The following OR11L1 variants were observed in gnomAD, a reference collection of about 807,000 sequenced individuals.
OR11L1 encodes olfactory receptor family 11 subfamily L member 1, also known as olfactory receptor 11L1.
For missense variants in OR11L1, 397 were observed against 392.7 expected (o/e 1.01, Z -0.09); for synonymous variants, 164 against 159.1 (o/e 1.03, Z -0.23).
rs767690956 is a variant in OR11L1, at chr1:247,841,716, T to G, written c.181A>C (p.Met61Leu). 1 of 1,613,942 alleles carries G rather than the reference T, an allele frequency of 6.2e-7. No individual in the cohort carries two copies. The highest frequency in any genetic ancestry group is 2.2e-5 in the East Asian group (1 of 44,868). The stretch of plus-strand genomic sequence containing the variant: ...AGAAAGGAGAGATGCTGGAGGAACA[T>G]GTACATAGGGGAGTGCAGTCGCAGG... The part of the protein sequence containing the change: ...QGLRLHSPMY[M>L]FLQHLSFLEV... The change falls in exon 1 of 1, where the codon ATG becomes CTG. Residue 61 changes from methionine (M) to leucine (L), a missense_variant. Met to Leu is a conservative substitution (Grantham distance 15). Coordinates refer to ENST00000355784, the MANE Select transcript of OR11L1 (RefSeq NM_001001959.1).
chr1:247,841,275 A>G lies in OR11L1; in HGVS notation c.622T>C (p.Cys208Arg). ...TIFILSIAVL[C>R]ICFFLTLGPY... ...CCCAGTGTCAGAAAAAAACAAATGC[A>G]CAGCACGGCAATTGACAGGATGAAG... Residue 208 changes from cysteine to arginine, a missense_variant, in exon 1 of 1, where the codon TGC becomes CGC. Cys to Arg is a radical substitution (Grantham distance 180, BLOSUM62 -3). Coordinates refer to ENST00000355784, the MANE Select transcript of OR11L1 (RefSeq NM_001001959.1). 2 of 1,614,234 alleles carry G rather than the reference A, an allele frequency of 1.2e-6. No homozygotes were observed. Among genetic ancestry groups the G allele is most frequent in the Non-Finnish European group, 1.7e-6 (2 of 1,180,028 alleles).
At position 247,841,130 on chromosome 1, in the gene OR11L1, A is replaced by G; in HGVS notation, c.767T>C (p.Ile256Thr). 6.2e-7 allele frequency: 1 copy of G among 1,614,146 alleles called. No homozygotes were observed. Among genetic ancestry groups the G allele is most frequent in the Non-Finnish European group, 8.5e-7 (1 of 1,180,012 alleles). The change falls in exon 1 of 1, where the codon ATC becomes ACC. Residue 256 changes from isoleucine (I) to threonine (T), a missense_variant. Ile to Thr is a moderately conservative substitution (Grantham distance 89). Coordinates refer to ENST00000355784, the MANE Select transcript of OR11L1 (RefSeq NM_001001959.1). Reference protein sequence around the residue: ...AVVTLYYGTMISMYVCPSPHL... With the variant: ...AVVTLYYGTMTSMYVCPSPHL... The stretch of plus-strand genomic sequence containing the variant: ...GGGACTGGGACACACATACATGGAG[A>G]TCATGGTCCCGTAGTAGAGAGTGAC...
Position 247,841,238 on chromosome 1 carries a change from A to G in OR11L1, c.659T>C (p.Phe220Ser). 1 of 1,614,200 alleles carries G rather than the reference A, an allele frequency of 6.2e-7. No individual in the cohort carries two copies. The highest frequency in any genetic ancestry group is 8.5e-7 in the Non-Finnish European group (1 of 1,180,006). The change falls in exon 1 of 1, where the codon TTC (phenylalanine) becomes TCC (serine). Residue 220 changes from phenylalanine to serine, a missense_variant. Physicochemically the swap from Phe to Ser is radical, Grantham distance 155 (BLOSUM62 -2). Coordinates refer to ENST00000355784, the MANE Select transcript of OR11L1 (RefSeq NM_001001959.1). ...GATTCTCAATATGGAGGACACAATG[A>G]AAACATAGGGCCCCAGTGTCAGAAA... ...CFFLTLGPYV[F>S]IVSSILRIPS...
Position 247,840,964 on chromosome 1 carries a change from A to G in OR11L1, c.933T>C (p.Ile311=). 1 of 1,614,056 alleles carries G rather than the reference A, an allele frequency of 6.2e-7. No homozygotes were observed. Among genetic ancestry groups the G allele is most frequent in the East Asian group, 2.2e-5 (1 of 44,888 alleles). Residue 311 remains isoleucine (I), a synonymous_variant, in exon 1 of 1, where the codon ATT becomes ATC. Transcript: ENST00000355784. The stretch of plus-strand genomic sequence containing the variant: ...ACTTCCTTTTACTTGTACTCCATAG[A>G]ATACCACATTTCCTTCTCATGACCT... The part of the protein sequence containing the change: ...VRKVMRRKCG[I]LWSTSKRKFL...
Position 247,841,572 on chromosome 1 carries a change from C to T in OR11L1, c.325G>A (p.Ala109Thr), listed in dbSNP as rs191673910. Residue 109 changes from alanine (A) to threonine (T), a missense_variant, in exon 1 of 1, where the codon GCC becomes ACC. Transcript: ENST00000355784. ...AAGGCCAGGAGAAAGCACTCGGTGG[C>T]GCCGAGGAATACGAAGAAGTAGAGC... ...AQLYFFVFLG[A>T]TECFLLAFMA... The T allele has an allele frequency of 4.8e-5, 78 of 1,613,514 alleles. No homozygotes were observed. Among genetic ancestry groups the T allele is most frequent in the Non-Finnish European group, 5.8e-5 (69 of 1,179,838 alleles).
rs780591658 is a variant in OR11L1, at chr1:247,841,191, T to C, written c.706A>G (p.Lys236Glu). ...LRIPSTSGRR[K>E]TFSTCGSHLA... ...TGGGAGCCACATGTGGAAAAGGTCT[T>C]TCTCCGGCCAGAGGTGGAAGGGATT... The change falls in exon 1 of 1, where the codon AAG (lysine) becomes GAG (glutamate). Residue 236 changes from lysine to glutamate, a missense_variant. Transcript: ENST00000355784. The C allele has an allele frequency of 1.2e-6, 2 of 1,614,138 alleles. No homozygotes were observed. The highest frequency in any genetic ancestry group is 1.7e-6 in the Non-Finnish European group (2 of 1,180,024).
At position 247,841,689 on chromosome 1, in the gene OR11L1, C is replaced by T. The variant is rs1349690218; in HGVS notation, c.208G>A (p.Glu70Lys). 6.2e-7 allele frequency: 1 copy of T among 1,613,980 alleles called. No individual in the cohort carries two copies. Among genetic ancestry groups the T allele is most frequent in the Non-Finnish European group, 8.5e-7 (1 of 1,180,006 alleles). The change falls in exon 1 of 1, where the codon GAG (glutamate) becomes AAG (lysine). Residue 70 changes from glutamate to lysine, a missense_variant. By Grantham distance (56) the Glu-to-Lys change is moderately conservative. Transcript: ENST00000355784. ...YMFLQHLSFL[E>K]VWYTSTTVPL... is the part of the protein sequence containing the mutation. ...ACAGTGGTGGACGTGTACCAGACCTCCAGAAAGGAGAGATGCTGGAGGAAC... is the reference window on the plus strand; with the variant it reads ...ACAGTGGTGGACGTGTACCAGACCTTCAGAAAGGAGAGATGCTGGAGGAAC...
chr1:247,841,839 G>A lies in OR11L1; in HGVS notation c.58C>T (p.Leu20Phe), dbSNP rs1365038990. 2 of 1,613,796 alleles carry A rather than the reference G, an allele frequency of 1.2e-6. No homozygotes were observed. Among genetic ancestry groups the A allele is most frequent in the Non-Finnish European group, 1.7e-6 (2 of 1,179,878 alleles). ...TNFQLLGFQN[L>F]LEWQALLFVI... ...AAGAGCAGGGCCTGCCATTCAAGAA[G>A]GTTCTGGAATCCTAACAGCTGAAAG... Residue 20 changes from leucine (L) to phenylalanine (F), a missense_variant, in exon 1 of 1, where the codon CTT (leucine) becomes TTT (phenylalanine). By Grantham distance (22) the Leu-to-Phe change is conservative. Transcript: ENST00000355784.
In OR11L1 at chr1:247,840,970, A is replaced by G; in HGVS notation, c.927T>C (p.Cys309=). The G allele has an allele frequency of 6.2e-7, 1 of 1,614,060 alleles. No individual in the cohort carries two copies. Among genetic ancestry groups the G allele is most frequent in the Non-Finnish European group, 8.5e-7 (1 of 1,179,912 alleles). ...TTTTACTTGTACTCCATAGAATACC[A>G]CATTTCCTTCTCATGACCTTTCTAA... ...EAVRKVMRRK[C]GILWSTSKRK... is the part of the protein sequence containing the mutation. The change falls in exon 1 of 1, where the codon TGT becomes TGC. Residue 309 remains cysteine, a synonymous_variant. Transcript: ENST00000355784.
rs1558342432 is a variant in OR11L1, at chr1:247,841,505, CGGAGTGGGCTGCAGATGGCCA to C, written c.371_391del (p.Leu124_Leu130del). ...CCCACGATGCATGAGGAAGGGGTAG[CGGAGTGGGCTGCAGATGGCCA>C]GGTAACGGTCATAGGCCATGAAGGC... On this transcript the variant is annotated inframe_deletion, in exon 1 of 1. Transcript: ENST00000355784. The C allele has an allele frequency of 4.3e-6, 7 of 1,613,956 alleles. No homozygotes were observed. Among genetic ancestry groups the C allele is most frequent in the Non-Finnish European group, 5.9e-6 (7 of 1,180,016 alleles).
In OR11L1 at chr1:247,841,156, A is replaced by G. The variant is rs753686715; in HGVS notation, c.741T>C (p.Val247=). The G allele has an allele frequency of 5.0e-6, 8 of 1,614,090 alleles. No individual in the cohort carries two copies. The East Asian group carries it at 8.9e-5, about 18-fold the overall frequency. The part of the protein sequence containing the change: ...TFSTCGSHLA[V]VTLYYGTMIS... ...TCATGGTCCCGTAGTAGAGAGTGAC[A>G]ACAGCCAGGTGGGAGCCACATGTGG... Residue 247 remains valine, a synonymous_variant, in exon 1 of 1, where the codon GTT becomes GTC. Transcript: ENST00000355784.
At position 247,841,117 on chromosome 1, in the gene OR11L1, C is replaced by T; in HGVS notation, c.780G>A (p.Val260=). The change falls in exon 1 of 1, where the codon GTG becomes GTA. Residue 260 remains valine, a synonymous_variant. Coordinates refer to ENST00000355784, the MANE Select transcript of OR11L1 (RefSeq NM_001001959.1). ...CAGGCAACAGGTGGGGACTGGGACA[C>T]ACATACATGGAGATCATGGTCCCGT... ...LYYGTMISMY[V]CPSPHLLPEI... The T allele has an allele frequency of 1.9e-6, 3 of 1,614,108 alleles. No homozygotes were observed. The highest frequency in any genetic ancestry group is 2.5e-6 in the Non-Finnish European group (3 of 1,179,992).
rs10888256 is a variant in OR11L1 at position 247,841,473 on chromosome 1, C to T, written c.424G>A (p.Ala142Thr). The T allele has an allele frequency of 0.89, 1,434,127 of 1,614,016 alleles. 638,404 individuals carry two copies. Among genetic ancestry groups the T allele is most frequent in the East Asian group, 0.99 (44,630 of 44,876 alleles). ...CACCAGGAGACCACCACCAACCTGG[C>T]ACAGAGCCCACGATGCATGAGGAAG... ...YPFLMHRGLC[A>T]RLVVVSWCTG... The change falls in exon 1 of 1, where the codon GCC (alanine) becomes ACC (threonine). Residue 142 changes from alanine (A) to threonine (T), a missense_variant. Physicochemically the swap from Ala to Thr is moderately conservative, Grantham distance 58. Coordinates refer to ENST00000355784, the MANE Select transcript of OR11L1 (RefSeq NM_001001959.1).
rs1663253665 is a variant in OR11L1 at position 247,841,334 on chromosome 1, G to A, written c.563C>T (p.Ser188Phe). 1 of 1,614,148 alleles carries A rather than the reference G, an allele frequency of 6.2e-7. No homozygotes were observed. Among genetic ancestry groups the A allele is most frequent in the Non-Finnish European group, 8.5e-7 (1 of 1,180,014 alleles). ...CTCGGTGATATAAACTCTGGAACAG[G>A]AGAGCTGCATGAGTGGCGGGAGGTC... ...FCDLPPLMQLSCSRVYITEVT... is the reference protein window; with the variant it reads ...FCDLPPLMQLFCSRVYITEVT... Residue 188 changes from serine (S) to phenylalanine (F), a missense_variant, in exon 1 of 1, where the codon TCC becomes TTC. By Grantham distance (155) the Ser-to-Phe change is radical. Transcript: ENST00000355784.
rs761867104 is a variant in OR11L1, at chr1:247,841,339, C to G, written c.558G>C (p.Gln186His). The G allele has an allele frequency of 3.1e-6, 5 of 1,613,986 alleles. No individual in the cohort carries two copies. In the Admixed American group the frequency reaches 6.7e-5, roughly 22 times the overall value. ...TGATATAAACTCTGGAACAGGAGAG[C>G]TGCATGAGTGGCGGGAGGTCGCAGA... Reference protein sequence around the residue: ...HFFCDLPPLMQLSCSRVYITE... With the variant: ...HFFCDLPPLMHLSCSRVYITE... The change falls in exon 1 of 1, where the codon CAG becomes CAC. Residue 186 changes from glutamine (Q) to histidine (H), a missense_variant. Transcript: ENST00000355784.
At position 247,841,783 on chromosome 1, in the gene OR11L1, G is replaced by T; in HGVS notation, c.114C>A (p.Thr38=). The part of the protein sequence containing the change: ...FVIFLLIYCL[T]IIGNVVIITV... ...TGATGATGACAACATTCCCTATAAT[G>T]GTCAGGCAGTAGATGAGCAGGAAAA... Residue 38 remains threonine, a synonymous_variant, in exon 1 of 1, where the codon ACC becomes ACA. Coordinates refer to ENST00000355784, the MANE Select transcript of OR11L1 (RefSeq NM_001001959.1). The T allele has an allele frequency of 6.2e-7, 1 of 1,614,126 alleles. No homozygotes were observed. Among genetic ancestry groups the T allele is most frequent in the South Asian group, 1.1e-5 (1 of 91,062 alleles).
chr1:247,841,204 G>A lies in OR11L1; in HGVS notation c.693C>T (p.Thr231=). Residue 231 remains threonine, a synonymous_variant, in exon 1 of 1, where the codon ACC becomes ACT. Transcript: ENST00000355784. ...IVSSILRIPS[T]SGRRKTFSTC... ...TGGAAAAGGTCTTTCTCCGGCCAGA[G>A]GTGGAAGGGATTCTCAATATGGAGG... 6.2e-7 allele frequency: 1 copy of A among 1,614,186 alleles called. No homozygotes were observed. The highest frequency in any genetic ancestry group is 8.5e-7 in the Non-Finnish European group (1 of 1,180,038).
rs765797929 is a variant in OR11L1 at position 247,841,352 on chromosome 1, G to A, written c.545C>T (p.Pro182Leu). The A allele has an allele frequency of 2.3e-5, 37 of 1,613,846 alleles. No homozygotes were observed. The highest frequency in any genetic ancestry group is 5.3e-5 in the African/African-American group (4 of 74,912). ...GGAACAGGAGAGCTGCATGAGTGGC[G>A]GGAGGTCGCAGAAGAAATGGTTAAT... ...NQINHFFCDL[P>L]PLMQLSCSRV... The change falls in exon 1 of 1, where the codon CCG (proline) becomes CTG (leucine). Residue 182 changes from proline (P) to leucine (L), a missense_variant. Pro to Leu is a moderately conservative substitution (Grantham distance 98). Coordinates refer to ENST00000355784, the MANE Select transcript of OR11L1 (RefSeq NM_001001959.1).
Position 247,841,443 on chromosome 1 carries a change from C to G in OR11L1, c.454G>C (p.Gly152Arg), listed in dbSNP as rs200231160. ...GAAGGCAGAAAGCCTGTGCTGACCC[C>G]TGTGCACCAGGAGACCACCACCAAC... ...ARLVVVSWCT[G>R]VSTGFLPSLM... Residue 152 changes from glycine to arginine, a missense_variant, in exon 1 of 1, where the codon GGG becomes CGG. Gly to Arg is a moderately radical substitution (Grantham distance 125). Transcript: ENST00000355784. 90 of 1,614,190 alleles carry G rather than the reference C, an allele frequency of 5.6e-5. No individual in the cohort carries two copies. The East Asian group carries it at 1.5e-3, about 27-fold the overall frequency.
Sources: allele counts gnomAD v4.1 joint callset, GRCh38; gene constraint gnomAD v4.1.1; transcripts MANE v1.5; gene names NCBI Gene and HGNC (gene_info 2026-07-23, HGNC 2026-07-21).